GPM6A: variants seen among roughly 807,000 people sequenced by gnomAD.
GPM6A encodes glycoprotein M6A, also known as neuronal membrane glycoprotein M6-a.
A neutral mutation model predicts 32.1 loss-of-function variants in GPM6A; 7 were observed. That is an observed-to-expected ratio of 0.22 (90% CI 0.12 to 0.41). GPM6A has a LOEUF of 0.41. Among genes scored for constraint, GPM6A ranks in the 10% least tolerant of loss-of-function variants. The pLI is 1.00. For synonymous variants in GPM6A, 130 were observed against 123.4 expected, an observed-to-expected ratio of 1.05 and a Z score of -0.35; for missense variants, 235 against 347.2, an observed-to-expected ratio of 0.68 and a Z score of 2.57.
chr4:175,840,918 T>A (rs1253884955), intron 1 of GPM6A, among the ~76,000 whole-genome samples: 21 of 152,234 alleles, frequency 1.4e-4, no homozygotes, highest in Non-Finnish European at 1.5e-5. Context: ...GGGCTCAAAT[T>A]ACTTTTTTAA....
chr4:175,815,323 G>T (rs189967720), upstream of GPM6A, among the ~76,000 whole-genome samples: 1 of 152,130 alleles, frequency 6.6e-6, no homozygotes, highest in East Asian at 1.9e-4. Context: ...CCAAGTTGTT[G>T]TTGCTAATGG....
Position 175,642,354 on chromosome 4 carries a change from T to G in GPM6A, c.542-1525A>C, listed in dbSNP as rs146418324. Among the ~76,000 whole-genome samples, 1,313 of 152,346 alleles carry G rather than the reference T, an allele frequency of 8.6e-3. 12 individuals are homozygous for G. The highest frequency in any genetic ancestry group is 0.014 in the Non-Finnish European group (957 of 68,034). ...TTTATGTTGTGCTTACATTTCCTTA[T>G]TCATTTCTCAATTCATGTTTTCAGC... On this transcript the variant is annotated intron_variant, in intron 4 of 6. Transcript: ENST00000393658.
intron 1 of GPM6A, among the ~76,000 whole-genome samples, chr4:175,887,425 C>A (rs1370638446): frequency 6.6e-6 from 1 of 151,756 alleles, no homozygotes; most frequent in Non-Finnish European, 1.5e-5. Flanking sequence ...TTAAACAGTA[C>A]TGGAAAATTT....
chr4:175,841,232 AT>A (rs1735925601), intron 1 of GPM6A, among the ~76,000 whole-genome samples: 1 of 152,180 alleles, frequency 6.6e-6, no homozygotes, highest in African/African-American at 2.4e-5. Flanking sequence ...TATAAATTGT[AT>A]TTATATAATT....
chr4:175,779,657 A>G (rs946933412), intron 1 of GPM6A, among the ~76,000 whole-genome samples: 2 of 152,224 alleles, frequency 1.3e-5, no homozygotes, highest in Admixed American at 6.5e-5. Context: ...AGGTCAGTTA[A>G]CAAATTAAAA....
In GPM6A at chr4:175,980,867, A is replaced by T. The variant is rs139070522; in HGVS notation, c.-23+21442T>A. ...TTGTTAGCATATTTTGCCATTTAAG[A>T]TGCATTCAATTTTTAATATAAAATA... is the stretch of plus-strand genomic sequence containing the variant. On this transcript the variant is annotated intron_variant, in intron 1 of 7. Coordinates refer to the GPM6A transcript ENST00000280187. 5.8e-3 allele frequency among the ~76,000 whole-genome samples: 879 copies of T among 152,318 alleles called. 2 individuals carry two copies. Among genetic ancestry groups the T allele is most frequent in the Non-Finnish European group, 9.9e-3 (673 of 68,038 alleles).
At chr4:175,830,286 C>T (rs1735569224) in intron 1 of GPM6A, among the ~76,000 whole-genome samples, 1 of 152,068 alleles carries the variant, frequency 6.6e-6, no homozygotes, top group Non-Finnish European at 1.5e-5. Flanking sequence ...GTGTTAAATG[C>T]CACAGTCTGA....
chr4:175,768,955 C>T (rs1006948007), intron 1 of GPM6A, among the ~76,000 whole-genome samples: 4 of 152,040 alleles, frequency 2.6e-5, no homozygotes, highest in East Asian at 3.9e-4. Flanking sequence ...ATTAGCTGGG[C>T]GTGGTGGTGG....
chr4:175,975,507 A>T (rs1740631435), intron 1 of GPM6A, among the ~76,000 whole-genome samples: 1 of 152,220 alleles, frequency 6.6e-6, no homozygotes, highest in African/African-American at 2.4e-5. Context: ...TATGATGGTC[A>T]TTCAATCAAA....
chr4:175,637,666 A>T (rs1482881709), intron 6 of GPM6A, among the ~76,000 whole-genome samples: 2 of 554 alleles, frequency 3.6e-3, no homozygotes, highest in Non-Finnish European at 0.01. Flanking sequence ...AAAATATATA[A>T]TATATATAAT....
intron 1 of GPM6A, among the ~76,000 whole-genome samples, chr4:175,948,120 T>A (rs1407872129): frequency 6.6e-6 from 1 of 152,200 alleles, no homozygotes; most frequent in Non-Finnish European, 1.5e-5. Context: ...TGCAGCTTAA[T>A]AAGTGCTACA....
At chr4:175,687,250 C>T (rs549079217) in intron 2 of GPM6A, among the ~76,000 whole-genome samples, 1 of 152,256 alleles carries the variant, frequency 6.6e-6, no homozygotes, top group East Asian at 1.9e-4. Context: ...AGTATAAGCA[C>T]AACGTGGTAT....
intron 1 of GPM6A, among the ~76,000 whole-genome samples, chr4:175,959,177 A>T (rs762239588): frequency 1.3e-5 from 2 of 152,198 alleles, no homozygotes; most frequent in Non-Finnish European, 2.9e-5. Flanking sequence ...CAAAACAATT[A>T]TAAAAGTAAC....
intron 1 of GPM6A, among the ~76,000 whole-genome samples, chr4:175,799,920 G>A (rs1157190714): frequency 6.6e-6 from 1 of 152,138 alleles, no homozygotes; most frequent in Admixed American, 6.5e-5. Context: ...ATATCCTTGA[G>A]CAAGAGGCTT....
At chr4:175,952,266 T>A (rs982439180) in intron 1 of GPM6A, among the ~76,000 whole-genome samples, 2 of 152,212 alleles carry the variant, frequency 1.3e-5, no homozygotes, top group Admixed American at 6.5e-5. Context: ...TTTGAAATAT[T>A]CAAGTTAAGA....
intron 1 of GPM6A, among the ~76,000 whole-genome samples, chr4:175,710,972 G>A (rs1238506757): frequency 2.0e-5 from 3 of 151,964 alleles, no homozygotes; most frequent in Non-Finnish European, 4.4e-5. Context: ...CCAGGAATAT[G>A]AAAACGACCC....
At chr4:175,718,207 T>C (rs1329424236) in intron 1 of GPM6A, among the ~76,000 whole-genome samples, 1 of 152,192 alleles carries the variant, frequency 6.6e-6, no homozygotes, top group Non-Finnish European at 1.5e-5. Flanking sequence ...GAGAACAGAA[T>C]CCCCTACACA....
At chr4:175,775,811 G>A (rs1733370719) in intron 1 of GPM6A, among the ~76,000 whole-genome samples, 1 of 152,072 alleles carries the variant, frequency 6.6e-6, no homozygotes, top group Non-Finnish European at 1.5e-5. Context: ...GTTTATTACA[G>A]CAGAGCCATT....
At chr4:175,851,484 CAAA>C (rs564843754) in intron 1 of GPM6A, among the ~76,000 whole-genome samples, 3 of 54,082 alleles carry the variant, frequency 5.5e-5, no homozygotes, top group Non-Finnish European at 7.8e-5. Flanking sequence ...GACTCCGTCT[CAAA>C]AAAAAAAAAA....
Sources: allele counts gnomAD v4.1 joint callset (sites outside exome capture counted in the v4.1 genomes callset), GRCh38; gene constraint gnomAD v4.1.1; transcripts MANE v1.5; gene names NCBI Gene and HGNC (gene_info 2026-07-23, HGNC 2026-07-21).